OXCT1: variants seen among roughly 807,000 people sequenced by gnomAD.
OXCT1 encodes the protein succinyl-CoA:3-ketoacid coenzyme A transferase 1, mitochondrial.
Under a neutral mutation model 69.6 loss-of-function variants are expected in OXCT1, and 27 were observed. The ratio of observed to expected loss-of-function variants is 0.39; its 90% confidence interval spans 0.29 to 0.54. OXCT1 has a LOEUF of 0.54. Among genes scored for constraint, OXCT1 ranks in the 20% least tolerant of loss-of-function variants. The pLI is 0.72. For missense variants in OXCT1, 437 were observed against 650.2 expected (o/e 0.67, Z 3.57); for synonymous variants, 202 against 217.8 (o/e 0.93, Z 0.64).
intron 7 of OXCT1, among the ~76,000 whole-genome samples, chr5:41,812,355 G>A (rs1008015641): frequency 1.3e-5 from 2 of 151,998 alleles, no homozygotes; most frequent in Admixed American, 6.6e-5. Flanking sequence ...TATGAAAGAT[G>A]AGGATTGCAA....
intron 7 of OXCT1, among the ~76,000 whole-genome samples, chr5:41,820,477 G>A (rs185794598): frequency 6.6e-6 from 1 of 152,036 alleles, no homozygotes; most frequent in Admixed American, 6.5e-5. Context: ...AGTGAAAGAT[G>A]GAAAACATGA....
Position 41,790,510 on chromosome 5 carries a change from G to GT in OXCT1, c.1248+3492dup, listed in dbSNP as rs1433078850. Among the ~76,000 whole-genome samples the GT allele has an allele frequency of 2.6e-5, 4 of 152,296 alleles. No individual in the cohort carries two copies. The East Asian group carries it at 7.7e-4, about 29-fold the overall frequency. ...CTGCATACTAAGAAGCTATTAAACG[G>GT]TAAGACAAATAGCATCCACACCGTT... is the stretch of plus-strand genomic sequence containing the variant. On this transcript the variant is annotated intron_variant, in intron 13 of 16. Transcript: ENST00000196371.
intron 3 of OXCT1, among the ~76,000 whole-genome samples, chr5:41,856,517 G>T (rs967366769): frequency 6.6e-6 from 1 of 152,092 alleles, no homozygotes; most frequent in Admixed American, 6.5e-5. Flanking sequence ...GACCACTCCA[G>T]CTCAGCTGAT....
At chr5:41,790,791 G>A (rs1478610999) in intron 13 of OXCT1, among the ~76,000 whole-genome samples, 2 of 152,026 alleles carry the variant, frequency 1.3e-5, no homozygotes, top group Non-Finnish European at 2.9e-5. Flanking sequence ...ATTGCTTACT[G>A]AAATTACATA....
intron 13 of OXCT1, among the ~76,000 whole-genome samples, chr5:41,782,760 G>A (rs1430420131): frequency 2.0e-5 from 3 of 152,166 alleles, no homozygotes; most frequent in Admixed American, 6.5e-5. Context: ...AAAGAAACAT[G>A]GAAGGTTCTT....
intron 13 of OXCT1, among the ~76,000 whole-genome samples, chr5:41,778,545 G>A (rs1745236332): frequency 6.6e-6 from 1 of 152,188 alleles, no homozygotes; most frequent in Non-Finnish European, 1.5e-5. Context: ...AAGGATATAT[G>A]TCACATGTCA....
At chr5:41,776,312 C>G (rs1164412995) in intron 13 of OXCT1, among the ~76,000 whole-genome samples, 4 of 152,174 alleles carry the variant, frequency 2.6e-5, no homozygotes, top group Non-Finnish European at 5.9e-5. Context: ...AAAAGCAATG[C>G]AGTACCCTGA....
At position 41,857,597 on chromosome 5, in the gene OXCT1, C is replaced by CAGAGAG. The variant is rs1239034390; in HGVS notation, c.278+3716_278+3717insCTCTCT. ...GGGATTTATATTCCTCTGGCTCTCT[C>CAGAGAG]CCTGAGAAGTTACAGCCTATTGGAT... On this transcript the variant is annotated intron_variant, in intron 3 of 16. Coordinates refer to ENST00000196371, the MANE Select transcript of OXCT1 (RefSeq NM_000436.4). Among the ~76,000 whole-genome samples the CAGAGAG allele has an allele frequency of 1.9e-3, 286 of 152,322 alleles. 4 individuals carry two copies. Among genetic ancestry groups the CAGAGAG allele is most frequent in the African/African-American group, 6.4e-3 (267 of 41,570 alleles).
chr5:41,802,983 T>C (rs1185143414), intron 10 of OXCT1, 86 bp downstream of exon 10: 6 of 960,150 alleles, frequency 6.2e-6, no homozygotes, highest in African/African-American at 1.6e-5. Context: ...GCTATTGAAA[T>C]AAAAAAATTT....
intron 4 of OXCT1, 126 bp from the exon 5 acceptor site, chr5:41,850,305 T>TC: frequency 1.0e-6 from 1 of 1,004,170 alleles, no homozygotes; most frequent in Non-Finnish European, 1.5e-6. Flanking sequence ...GCATTGTACA[T>TC]TAGCATACTT....
chr5:41,839,638 A>G (rs1429315571), intron 7 of OXCT1, among the ~76,000 whole-genome samples: 1 of 152,234 alleles, frequency 6.6e-6, no homozygotes, highest in African/African-American at 2.4e-5. Flanking sequence ...CACTGTACTG[A>G]CTTCATGAAA....
At chr5:41,802,711 G>T (rs1746479976) in intron 10 of OXCT1, among the ~76,000 whole-genome samples, 1 of 152,048 alleles carries the variant, frequency 6.6e-6, no homozygotes, top group African/African-American at 2.4e-5. Context: ...AAATCATGAG[G>T]TCTCTCTGAA....
Position 41,807,408 on chromosome 5 carries a change from C to T in OXCT1, c.763G>A (p.Ala255Thr). The change falls in exon 8 of 17, where the codon GCT (alanine) becomes ACT (threonine). Residue 255 changes from alanine to threonine, a missense_variant. This residue lies in a region of OXCT1 where 252 missense variants were observed against 397.4 expected (regional missense o/e 0.63). Transcript: ENST00000196371. ...VEEIVDIGAF[A>T]PEDIHIPQIY... ...TGAGGAATATGGATGTCTTCTGGAG[C>T]AAATGCTCCAATATCCACAATTTCT... 6.2e-7 allele frequency: 1 copy of T among 1,604,644 alleles called. No individual in the cohort carries two copies. The highest frequency in any genetic ancestry group is 8.5e-7 in the Non-Finnish European group (1 of 1,172,084).
intron 15 of OXCT1, among the ~76,000 whole-genome samples, chr5:41,748,308 A>G (rs1340079137): frequency 2.0e-5 from 3 of 152,004 alleles, no homozygotes; most frequent in Non-Finnish European, 4.4e-5. Flanking sequence ...GAACAAGGGC[A>G]GGGCACATGT....
chr5:41,845,980 T>C (rs953829362), intron 5 of OXCT1, among the ~76,000 whole-genome samples: 19 of 152,052 alleles, frequency 1.2e-4, no homozygotes, highest in Admixed American at 2.0e-4. Flanking sequence ...ATATATGCAG[T>C]ACTTATACAT....
intron 11 of OXCT1, among the ~76,000 whole-genome samples, chr5:41,800,065 A>C (rs1429668230): frequency 6.6e-6 from 1 of 152,198 alleles, no homozygotes. Context: ...ATATGGCTCC[A>C]AAGTGGTGGC....
intron 5 of OXCT1, among the ~76,000 whole-genome samples, chr5:41,845,587 A>G (rs1748858235): frequency 6.6e-6 from 1 of 152,204 alleles, no homozygotes; most frequent in Non-Finnish European, 1.5e-5. Flanking sequence ...AGTACTAAGA[A>G]TTAAGAAATA....
At chr5:41,802,931 T>C (rs1268875956) in intron 10 of OXCT1, 138 bp downstream of exon 10, 4 of 673,328 alleles carry the variant, frequency 5.9e-6, no homozygotes, top group East Asian at 2.8e-5. Context: ...TTCAGCATTA[T>C]ACAATTTATC....
chr5:41,862,238 T>C (rs1349341491), intron 2 of OXCT1, among the ~76,000 whole-genome samples: 5 of 151,988 alleles, frequency 3.3e-5, no homozygotes, highest in Non-Finnish European at 5.9e-5. Context: ...AGCAATAGAA[T>C]TGGCAGTGGG....
Sources: allele counts gnomAD v4.1 joint callset (sites outside exome capture counted in the v4.1 genomes callset), GRCh38; gene constraint gnomAD v4.1.1; regional missense constraint gnomAD v4.1.1; transcripts MANE v1.5; gene names NCBI Gene and HGNC (gene_info 2026-07-23, HGNC 2026-07-21).